The following GALNT17 variants were observed in gnomAD, a reference collection of about 807,000 sequenced individuals.
The protein encoded by GALNT17 is UDP-GalNAc:polypeptide N-acetylgalactosaminyltransferase-like 3.
GALNT17 carries 29 observed loss-of-function variants against 63.7 expected under a neutral mutation model. That is an observed-to-expected ratio of 0.46 (90% confidence interval 0.34 to 0.62). GALNT17 has a LOEUF of 0.62. GALNT17 is among the 20% of genes least tolerant of loss of function. The pLI, the probability that GALNT17 is intolerant of heterozygous loss-of-function variation, is 0.01. For synonymous variants in GALNT17, 305 were observed against 318.3 expected, an observed-to-expected ratio of 0.96 and a Z score of 0.45; for missense variants, 603 against 799.6, an observed-to-expected ratio of 0.75 and a Z score of 2.97.
intron 6 of GALNT17, among the ~76,000 whole-genome samples, chr7:71,579,714 G>A (rs1052856616): frequency 6.6e-6 from 1 of 152,182 alleles, no homozygotes; most frequent in African/African-American, 2.4e-5. Flanking sequence ...GCAGAGAAAG[G>A]GGGAAGAAAA....
intron 5 of GALNT17, among the ~76,000 whole-genome samples, chr7:71,439,969 A>G (rs1389648576): frequency 2.9e-5 from 4 of 137,186 alleles, no homozygotes; most frequent in Non-Finnish European, 4.6e-5. Context: ...TTTTTGAGAC[A>G]GAATTTCACT....
chr7:71,505,873 A>G (rs1007020841), intron 5 of GALNT17, among the ~76,000 whole-genome samples: 2 of 152,246 alleles, frequency 1.3e-5, no homozygotes, highest in Non-Finnish European at 2.9e-5. Flanking sequence ...CCAAGCATTT[A>G]GCTCTCTGAT....
intron 6 of GALNT17, among the ~76,000 whole-genome samples, chr7:71,610,517 C>A (rs542075595): frequency 6.6e-6 from 1 of 152,084 alleles, no homozygotes; most frequent in East Asian, 1.9e-4. Context: ...CTAAATACAG[C>A]ATTCTGGGGC....
chr7:71,672,998 GT>G (rs5884853), intron 8 of GALNT17, among the ~76,000 whole-genome samples: 112,434 of 151,728 alleles, frequency 0.74, 45,329 homozygotes, highest in Non-Finnish European at 0.91. Context: ...ACACAGAGGT[GT>G]TTTTTTTTCC....
chr7:71,148,858 TTTTATATATATATATATA>T lies in GALNT17; in HGVS notation c.238+15820_238+15837del, dbSNP rs1272074494. ...ATGAAATACAGTAGTATTATGGTAT[TTTTATATATATATATATA>T]TATATATATATATATATGTATACCA... On this transcript the variant is annotated intron_variant, in intron 1 of 10. Coordinates refer to ENST00000333538, the MANE Select transcript of GALNT17 (RefSeq NM_022479.3). Among the ~76,000 whole-genome samples, 191 of 91,914 alleles carry T rather than the reference TTTTATATATATATATATA, an allele frequency of 2.1e-3. 7 individuals are homozygous for T. The highest frequency in any genetic ancestry group is 9.4e-3 in the African/African-American group (183 of 19,516). 60.3% of individuals were successfully genotyped at this position (91,914 alleles called of 152,430 possible). A position where few individuals can be genotyped will look rare whatever the true frequency, so the allele number is the denominator to read the frequency against.
At chr7:71,371,784 A>C (rs571552382) in intron 2 of GALNT17, among the ~76,000 whole-genome samples, 24 of 152,296 alleles carry the variant, frequency 1.6e-4, no homozygotes, top group African/African-American at 5.5e-4. Context: ...GGAGACGTGC[A>C]CTATTATACC....
At chr7:71,151,835 G>A (rs1250776836) in intron 1 of GALNT17, among the ~76,000 whole-genome samples, 1 of 152,066 alleles carries the variant, frequency 6.6e-6, no homozygotes, top group African/African-American at 2.4e-5. Flanking sequence ...CTGCTGAAAG[G>A]AACTGGCATT....
chr7:71,363,964 A>G (rs1169968485), intron 2 of GALNT17, among the ~76,000 whole-genome samples: 2 of 152,222 alleles, frequency 1.3e-5, no homozygotes, highest in African/African-American at 2.4e-5. Context: ...AGAAACCTTG[A>G]GGTTTAACTT....
In GALNT17 at chr7:71,337,697, G is replaced by A. The variant is rs367944419; in HGVS notation, c.422+1964G>A. Among the ~76,000 whole-genome samples the A allele has an allele frequency of 1.3e-4, 20 of 151,944 alleles. No homozygotes were observed. In the East Asian group the frequency reaches 1.9e-3, roughly 15 times the overall value. On this transcript the variant is annotated intron_variant, in intron 2 of 10. Coordinates refer to ENST00000333538, the MANE Select transcript of GALNT17 (RefSeq NM_022479.3). ...AGCCTGGCCAAGATAGCAAAACCCC[G>A]TCTCTACTAAAAATACAAAAATTGG...
chr7:71,336,779 G>C (rs565530294), intron 2 of GALNT17, among the ~76,000 whole-genome samples: 2 of 152,294 alleles, frequency 1.3e-5, no homozygotes, highest in South Asian at 4.1e-4. Context: ...TTGCTACAGT[G>C]AATAGTGCTA....
At chr7:71,189,400 CG>C (rs1229255684) in intron 1 of GALNT17, among the ~76,000 whole-genome samples, 3 of 152,070 alleles carry the variant, frequency 2.0e-5, no homozygotes, top group African/African-American at 7.2e-5. Flanking sequence ...ACAGCTTTTC[CG>C]GGGGTCCTTC....
At chr7:71,397,931 CATT>C (rs1793167610) in intron 3 of GALNT17, among the ~76,000 whole-genome samples, 1 of 132,612 alleles carries the variant, frequency 7.5e-6, no homozygotes, top group Non-Finnish European at 1.6e-5. Context: ...GGTTTTGCTC[CATT>C]ATTGTCTTTG....
intron 1 of GALNT17, among the ~76,000 whole-genome samples, chr7:71,214,816 A>G (rs763036103): frequency 2.6e-4 from 39 of 152,162 alleles, no homozygotes; most frequent in Admixed American, 5.2e-4. Flanking sequence ...GACCTCAGGC[A>G]ATCCACCTGC....
intron 5 of GALNT17, among the ~76,000 whole-genome samples, chr7:71,450,043 C>A (rs1787230790): frequency 7.1e-6 from 1 of 140,112 alleles, no homozygotes. Context: ...AACTCCCTCT[C>A]AAAAAAAAAA....
intron 5 of GALNT17, among the ~76,000 whole-genome samples, chr7:71,484,678 A>G (rs978479825): frequency 6.6e-6 from 1 of 152,110 alleles, no homozygotes; most frequent in African/African-American, 2.4e-5. Context: ...ACTGTCCTAC[A>G]TGCAATCTGT....
chr7:71,617,336 T>G (rs28840822), intron 6 of GALNT17, among the ~76,000 whole-genome samples: 62,475 of 145,772 alleles, frequency 0.43, 15,723 homozygotes, highest in East Asian at 0.76. Context: ...TTTTGTTTTT[T>G]TTTTTTTTGA....
At chr7:71,246,556 C>A (rs1253898322) in intron 1 of GALNT17, among the ~76,000 whole-genome samples, 1 of 145,898 alleles carries the variant, frequency 6.9e-6, no homozygotes, top group Non-Finnish European at 1.5e-5. Flanking sequence ...TGAGGCCAGG[C>A]GTGGTGGCTC....
intron 1 of GALNT17, among the ~76,000 whole-genome samples, chr7:71,243,687 G>C (rs1790044128): frequency 6.6e-6 from 1 of 152,126 alleles, no homozygotes; most frequent in Admixed American, 6.6e-5. Context: ...CTACAGGTGG[G>C]TGCTGCTGCA....
In GALNT17 at chr7:71,415,999, T is replaced by C. The variant is rs1793519568; in HGVS notation, c.700T>C (p.Trp234Arg). 1.2e-6 allele frequency: 2 copies of C among 1,613,642 alleles called. No homozygotes were observed. The highest frequency in any genetic ancestry group is 2.7e-5 in the African/African-American group (2 of 74,924). The change falls in exon 4 of 11, where the codon TGG becomes CGG. Residue 234 changes from tryptophan (W) to arginine (R), a missense_variant. This residue lies in a region of GALNT17 where 336 missense variants were observed against 507.8 expected (regional missense o/e 0.66). Transcript: ENST00000333538. ...EGLIRARIEG[W>R]KVATGQVTGF... ...CCTGATCCGCGCTCGCATTGAGGGC[T>C]GGAAGGTGGCTACCGGGCAGGTCAC... is the stretch of plus-strand genomic sequence containing the variant.
Sources: allele counts gnomAD v4.1 joint callset (sites outside exome capture counted in the v4.1 genomes callset), GRCh38; gene constraint gnomAD v4.1.1; regional missense constraint gnomAD v4.1.1; transcripts MANE v1.5; gene names NCBI Gene and HGNC (gene_info 2026-07-23, HGNC 2026-07-21).